Variants in TENM2 observed in about 807,000 individuals in gnomAD.
TENM2 encodes the protein teneurin transmembrane protein 2, also known as teneurin-2.
A neutral mutation model predicts 245.2 loss-of-function variants in TENM2; 52 were observed. The ratio of observed to expected loss-of-function variants is 0.21; its 90% CI spans 0.17 to 0.27. The LOEUF is 0.27. Ranked by LOEUF, TENM2 falls within the 10% of genes least tolerant of loss-of-function variation. The probability of loss-of-function intolerance (pLI) is 1.00; values close to 1 mark genes in which losing one functional copy is unlikely to be tolerated. For synonymous variants in TENM2, 1,363 were observed against 1,438.9 expected (o/e 0.95, Z 1.19); for missense variants, 3,046 against 3,666.8 (o/e 0.83, Z 4.37).
chr5:167,789,977 A>G (rs1485180584), intron 2 of TENM2, among the ~76,000 whole-genome samples: 1 of 152,258 alleles, frequency 6.6e-6, no homozygotes, highest in African/African-American at 2.4e-5. Context: ...AAACAGGACT[A>G]GATCCCATTA....
At chr5:167,860,060 G>A (rs1443892267) in intron 2 of TENM2, among the ~76,000 whole-genome samples, 2 of 95,428 alleles carry the variant, frequency 2.1e-5, no homozygotes, top group East Asian at 3.6e-4. Context: ...AGGGAGGTGG[G>A]GGGGGGTCAG....
intron 15 of TENM2, among the ~76,000 whole-genome samples, chr5:168,197,174 A>G (rs1014164606): frequency 3.3e-5 from 5 of 152,252 alleles, no homozygotes; most frequent in Non-Finnish European, 7.3e-5. Flanking sequence ...AAGCACATAA[A>G]TAAAGTAATT....
chr5:167,730,148 T>C (rs1381335414), intron 2 of TENM2, among the ~76,000 whole-genome samples: 2 of 152,222 alleles, frequency 1.3e-5, no homozygotes, highest in African/African-American at 2.4e-5. Flanking sequence ...TACTGATAGC[T>C]GTTCCTGCAG....
chr5:168,015,160 T>C (rs986160843), intron 5 of TENM2, among the ~76,000 whole-genome samples: 1 of 152,222 alleles, frequency 6.6e-6, no homozygotes, highest in Non-Finnish European at 1.5e-5. Context: ...GACCGAAGAC[T>C]GAGGGAAATT....
chr5:167,064,408 G>A, the TENM2 span, among the ~76,000 whole-genome samples: 2 of 152,190 alleles, frequency 1.3e-5, no homozygotes, highest in Admixed American at 6.5e-5. Flanking sequence ...CATGGGGCCC[G>A]CAGATGGCAC....
chr5:168,024,445 C>T (rs1786431424), intron 5 of TENM2, among the ~76,000 whole-genome samples: 1 of 152,182 alleles, frequency 6.6e-6, no homozygotes, highest in African/African-American at 2.4e-5. Context: ...CTTTGCTCAG[C>T]CTTTTAACTG....
intron 2 of TENM2, among the ~76,000 whole-genome samples, chr5:167,739,418 G>C (rs922217897): frequency 6.6e-6 from 1 of 152,160 alleles, no homozygotes; most frequent in African/African-American, 2.4e-5. Flanking sequence ...AGAAAGAAGA[G>C]ACCCAAAGTC....
intron 3 of TENM2, among the ~76,000 whole-genome samples, chr5:167,924,958 A>G (rs248143): frequency 0.91 from 138,582 of 152,190 alleles, 63,253 homozygotes; most frequent in African/African-American, 0.98. Context: ...TGGTACAACC[A>G]TTTTGGAAAA....
intron 1 of TENM2, among the ~76,000 whole-genome samples, chr5:167,326,690 T>C (rs1030101647): frequency 7.9e-6 from 1 of 126,472 alleles, no homozygotes; most frequent in African/African-American, 3.2e-5. Context: ...ATAATAATTA[T>C]AATAATAAAT....
chr5:167,497,850 G>A (rs973322653), intron 2 of TENM2, among the ~76,000 whole-genome samples: 31 of 151,866 alleles, frequency 2.0e-4, no homozygotes, highest in African/African-American at 7.0e-4. Flanking sequence ...GAGAATGAAC[G>A]TGGAGGACCA....
intron 2 of TENM2, among the ~76,000 whole-genome samples, chr5:167,727,027 T>C (rs1325726769): frequency 6.6e-6 from 1 of 152,054 alleles, no homozygotes; most frequent in African/African-American, 2.4e-5. Flanking sequence ...GTTTTAAATT[T>C]TAAATGGTTA....
chr5:167,428,439 A>C (rs2127437426), intron 2 of TENM2, among the ~76,000 whole-genome samples: 1 of 152,350 alleles, frequency 6.6e-6, no homozygotes, highest in African/African-American at 2.4e-5. Flanking sequence ...ATACGTTACT[A>C]ATCAGCAGCA....
chr5:168,255,747 G>A (rs1272736872), intron 27 of TENM2, among the ~76,000 whole-genome samples: 3 of 151,976 alleles, frequency 2.0e-5, no homozygotes, highest in Non-Finnish European at 4.4e-5. Context: ...TTCTGTTTAC[G>A]CCAAGTAAGC....
At chr5:167,074,614 A>T in the TENM2 span, among the ~76,000 whole-genome samples, 5 of 152,224 alleles carry the variant, frequency 3.3e-5, no homozygotes, top group Non-Finnish European at 7.3e-5. Context: ...CGTTGACAGC[A>T]GTTCTGGCTC....
intron 2 of TENM2, among the ~76,000 whole-genome samples, chr5:167,555,701 A>G (rs2127630463): frequency 6.6e-6 from 1 of 152,224 alleles, no homozygotes; most frequent in Middle Eastern, 3.4e-3. Flanking sequence ...GCTACTAAGA[A>G]GAATAAATCC....
At chr5:168,249,123 C>CAA (rs566693885) in intron 27 of TENM2, among the ~76,000 whole-genome samples, 49 of 116,570 alleles carry the variant, frequency 4.2e-4, no homozygotes, top group African/African-American at 6.0e-4. Flanking sequence ...GACCCTGTCT[C>CAA]AAAAAAAAAA....
chr5:167,364,136 A>G (rs1759896150), intron 1 of TENM2, among the ~76,000 whole-genome samples: 1 of 151,012 alleles, frequency 6.6e-6, no homozygotes, highest in Non-Finnish European at 1.5e-5. Flanking sequence ...AGAATAGAGT[A>G]TGGAAGTGAA....
chr5:167,552,811 G>A (rs751961502), intron 2 of TENM2, among the ~76,000 whole-genome samples: 1 of 152,156 alleles, frequency 6.6e-6, no homozygotes, highest in Non-Finnish European at 1.5e-5. Context: ...CATCCTAATG[G>A]CATTGCCCCT....
intron 2 of TENM2, among the ~76,000 whole-genome samples, chr5:167,801,110 ATATATAT>A (rs1224615617): frequency 0.012 from 771 of 62,368 alleles, 8 homozygotes; most frequent in East Asian, 0.017. Context: ...AAAAAAAAAA[ATATATAT>A]ATATATATAT....
Sources: gnomAD v4.1 joint callset for allele counts (sites outside exome capture counted in the v4.1 genomes callset) on GRCh38, gnomAD v4.1.1 for gene constraint, MANE v1.5 for transcripts, NCBI Gene and HGNC (gene_info 2026-07-23, HGNC 2026-07-21) for gene names.